Variants in ACOXL observed in about 807,000 individuals in gnomAD.
ACOXL encodes the protein acyl-coenzyme A oxidase-like protein.
ACOXL carries 70 observed loss-of-function variants against 71.9 expected under a neutral mutation model. The observed-to-expected ratio is 0.97, with a 90% CI of 0.80 to 1.19. The LOEUF is 1.19. Ranked by LOEUF, ACOXL falls within the 50% of genes most tolerant of loss-of-function variation. The probability of loss-of-function intolerance (pLI) is 0.00; values close to 1 mark genes in which losing one functional copy is unlikely to be tolerated. For missense variants in ACOXL, 703 were observed against 736.3 expected, an observed-to-expected ratio of 0.95 and a Z score of 0.52; for synonymous variants, 253 against 281.6, an observed-to-expected ratio of 0.90 and a Z score of 1.02.
At chr2:111,002,504 G>T (rs1157455) in intron 14 of ACOXL, among the ~76,000 whole-genome samples, 1 of 152,142 alleles carries the variant, frequency 6.6e-6, no homozygotes. Flanking sequence ...TGATGCTTCT[G>T]TGTTTTTAGT....
intron 9 of ACOXL, among the ~76,000 whole-genome samples, chr2:110,811,743 A>G (rs1687353272): frequency 7.1e-6 from 1 of 140,770 alleles, no homozygotes; most frequent in Non-Finnish European, 1.5e-5. Flanking sequence ...ACACACACAC[A>G]CACACACACA....
chr2:111,071,790 T>C (rs895006488), intron 16 of ACOXL, among the ~76,000 whole-genome samples: 87 of 152,208 alleles, frequency 5.7e-4, no homozygotes, highest in African/African-American at 2.1e-3. Context: ...CTTCGTTCTG[T>C]TGTTGGTCCC....
At chr2:110,872,094 T>A (rs1695349257) in intron 10 of ACOXL, among the ~76,000 whole-genome samples, 1 of 152,224 alleles carries the variant, frequency 6.6e-6, no homozygotes, top group Admixed American at 6.5e-5. Context: ...CTGAAACATC[T>A]GAGTTGACCT....
chr2:111,074,271 G>A (rs1410874162), intron 16 of ACOXL, among the ~76,000 whole-genome samples: 1 of 146,886 alleles, frequency 6.8e-6, no homozygotes, highest in Admixed American at 6.9e-5. Flanking sequence ...TTGCCTTGTT[G>A]CATTGGCTAG....
At chr2:110,751,356 C>T (rs1678939874) in intron 1 of ACOXL, among the ~76,000 whole-genome samples, 1 of 149,278 alleles carries the variant, frequency 6.7e-6, no homozygotes, top group Admixed American at 6.7e-5. Flanking sequence ...AAGACCTTGA[C>T]ATTGAGGATC....
At chr2:111,018,447 G>A (rs1309124420) in intron 14 of ACOXL, among the ~76,000 whole-genome samples, 1 of 152,228 alleles carries the variant, frequency 6.6e-6, no homozygotes, top group Non-Finnish European at 1.5e-5. Context: ...AAGCCCATCA[G>A]TATCCCATTG....
At chr2:110,958,547 G>A (rs184687043) in intron 12 of ACOXL, among the ~76,000 whole-genome samples, 68 of 152,344 alleles carry the variant, frequency 4.5e-4, no homozygotes, top group African/African-American at 1.6e-3. Context: ...TGTGAATCAT[G>A]TGTGATGTGG....
rs557746880 is a variant in ACOXL, at chr2:110,854,385, C to T, written c.788+12980C>T. On this transcript the variant is annotated intron_variant, in intron 10 of 17. Transcript: ENST00000439055. Reference sequence around the variant, plus strand: ...ATGTGGAGGTTCCACACCAGGTGGACTTGGGGATTCAAACTCAGGCCTCTG... The same window carrying T: ...ATGTGGAGGTTCCACACCAGGTGGATTTGGGGATTCAAACTCAGGCCTCTG... Among the ~76,000 whole-genome samples the T allele has an allele frequency of 2.6e-5, 4 of 152,256 alleles. No homozygotes were observed. The East Asian group carries it at 7.7e-4, about 29-fold the overall frequency.
In ACOXL at chr2:111,117,341, T is replaced by C. The variant is rs1043260300; in HGVS notation, c.1543-275T>C. ...CCTTGGTCTCGAGTTCCCGGCTAAT[T>C]TGGGGGCAAAGCCGACCGACCCCAC... On this transcript the variant is annotated intron_variant, in intron 17 of 17. Transcript: ENST00000439055. Among the ~76,000 whole-genome samples, 13 of 152,154 alleles carry C rather than the reference T, an allele frequency of 8.5e-5. 1 individual carries two copies. Among genetic ancestry groups the C allele is most frequent in the African/African-American group, 7.2e-5 (3 of 41,422 alleles).
intron 15 of ACOXL, among the ~76,000 whole-genome samples, chr2:111,045,462 T>C (rs946621406): frequency 1.3e-5 from 2 of 152,164 alleles, no homozygotes; most frequent in African/African-American, 4.8e-5. Flanking sequence ...AAGGGGCTTT[T>C]CCCCCTTTTG....
intron 12 of ACOXL, among the ~76,000 whole-genome samples, chr2:110,969,479 A>C (rs556396019): frequency 2.6e-5 from 4 of 152,320 alleles, no homozygotes; most frequent in African/African-American, 9.6e-5. Context: ...ATCAGGAATG[A>C]AACAGAATAT....
intron 1 of ACOXL, among the ~76,000 whole-genome samples, chr2:110,761,280 C>T (rs1312224789): frequency 6.6e-6 from 1 of 152,070 alleles, no homozygotes; most frequent in East Asian, 1.9e-4. Flanking sequence ...TAGTCAGCTG[C>T]TGTAGCAATT....
intron 2 of ACOXL, among the ~76,000 whole-genome samples, chr2:110,769,996 C>T (rs1387698535): frequency 6.6e-6 from 1 of 151,030 alleles, no homozygotes. Flanking sequence ...GAGCTATGAT[C>T]GCACCACCGC....
chr2:111,089,254 T>G (rs1037737934), intron 16 of ACOXL, among the ~76,000 whole-genome samples: 1 of 152,170 alleles, frequency 6.6e-6, no homozygotes, highest in Non-Finnish European at 1.5e-5. Flanking sequence ...GAGCCAAGAT[T>G]GCCACTGCAC....
intron 1 of ACOXL, among the ~76,000 whole-genome samples, chr2:110,733,950 C>G (rs1345859240): frequency 6.6e-6 from 1 of 152,180 alleles, no homozygotes; most frequent in South Asian, 2.1e-4. Context: ...CTCTCATTCT[C>G]TCACTAATGT....
At chr2:110,750,360 A>T (rs1678764058) in intron 1 of ACOXL, among the ~76,000 whole-genome samples, 1 of 152,088 alleles carries the variant, frequency 6.6e-6, no homozygotes, top group Admixed American at 6.5e-5. Context: ...TGTTGCTCAA[A>T]TTGTTCCAGC....
chr2:110,984,558 A>G (rs1413605524), intron 12 of ACOXL, among the ~76,000 whole-genome samples: 1 of 152,222 alleles, frequency 6.6e-6, no homozygotes, highest in Non-Finnish European at 1.5e-5. Context: ...AAAAGGAGCA[A>G]AGATCCAAAG....
At chr2:110,933,002 C>T (rs2060532222) in intron 11 of ACOXL, among the ~76,000 whole-genome samples, 1 of 152,150 alleles carries the variant, frequency 6.6e-6, no homozygotes, top group Non-Finnish European at 1.5e-5. Context: ...TCTGCTGTTC[C>T]TCTGGTTCGT....
rs781479816 is a variant in ACOXL, at chr2:110,798,705, C to T, written c.441C>T (p.Ile147=). ...GNYAAVFAQL[I]IDGRSQGPHC... is the part of the protein sequence containing the mutation. ...ATGCAGCTGTCTTTGCCCAGCTCAT[C>T]ATAGATGGAAGATCTCAAGGTTTGT... Residue 147 remains isoleucine, a synonymous_variant, in exon 6 of 18, where the codon ATC becomes ATT. Coordinates refer to ENST00000439055, the MANE Select transcript of ACOXL (RefSeq NM_001142807.4). 6.2e-7 allele frequency: 1 copy of T among 1,613,942 alleles called. No individual in the cohort carries two copies. The highest frequency in any genetic ancestry group is 1.1e-5 in the South Asian group (1 of 91,080).
Sources: allele counts gnomAD v4.1 joint callset (sites outside exome capture counted in the v4.1 genomes callset), GRCh38; gene constraint gnomAD v4.1.1; transcripts MANE v1.5; gene names NCBI Gene and HGNC (gene_info 2026-07-23, HGNC 2026-07-21).